The following RAP1GDS1 variants were observed in gnomAD, a reference collection of about 807,000 sequenced individuals.
RAP1GDS1 encodes RAP1, GTP-GDP dissociation stimulator 1.
In RAP1GDS1, 35 loss-of-function variants were observed where a neutral mutation model predicts 71.1. The observed-to-expected ratio is 0.49, with a 90% CI of 0.38 to 0.65. RAP1GDS1 has a LOEUF of 0.65. Ranked by LOEUF, RAP1GDS1 falls within the 30% of genes least tolerant of loss-of-function variation. The probability of loss-of-function intolerance (pLI) is 0.00; values close to 1 mark genes in which losing one functional copy is unlikely to be tolerated. For synonymous variants in RAP1GDS1, 229 were observed against 243.1 expected (o/e 0.94, Z 0.54); for missense variants, 663 against 706.1 (o/e 0.94, Z 0.69).
intron 6 of RAP1GDS1, among the ~76,000 whole-genome samples, chr4:98,400,327 G>A (rs557235685): frequency 3.5e-4 from 53 of 151,910 alleles, no homozygotes; most frequent in African/African-American, 1.2e-3. Context: ...TACATGAAGA[G>A]GTAAAATGTG....
intron 6 of RAP1GDS1, among the ~76,000 whole-genome samples, chr4:98,403,843 A>C (rs1745764932): frequency 6.6e-6 from 1 of 152,136 alleles, no homozygotes. Flanking sequence ...GTGAGTTGAG[A>C]GAGTAGAGGC....
chr4:98,283,404 C>G (rs992338475), intron 1 of RAP1GDS1, among the ~76,000 whole-genome samples: 2 of 151,732 alleles, frequency 1.3e-5, no homozygotes, highest in African/African-American at 4.9e-5. Flanking sequence ...TTATGTGTTG[C>G]ATACAAAGCA....
At chr4:98,410,279 G>A (rs1399900785) in intron 7 of RAP1GDS1, among the ~76,000 whole-genome samples, 1 of 152,008 alleles carries the variant, frequency 6.6e-6, no homozygotes, top group East Asian at 1.9e-4. Flanking sequence ...ATTTTAATAA[G>A]CACTTGACAA....
intron 6 of RAP1GDS1, among the ~76,000 whole-genome samples, chr4:98,404,023 T>C (rs566244214): frequency 6.6e-6 from 1 of 151,986 alleles, no homozygotes; most frequent in South Asian, 2.1e-4. Flanking sequence ...CTAGGAGAGG[T>C]TGGAGATGCT....
At chr4:98,432,087 C>G (rs1418494346) in intron 12 of RAP1GDS1, among the ~76,000 whole-genome samples, 1 of 152,122 alleles carries the variant, frequency 6.6e-6, no homozygotes, top group Non-Finnish European at 1.5e-5. Context: ...CCCCGCTCCC[C>G]CCATCCCACG....
Position 98,352,540 on chromosome 4 carries a change from C to G in RAP1GDS1, c.300C>G (p.Ser100Arg). The G allele has an allele frequency of 6.2e-7, 1 of 1,613,988 alleles. No homozygotes were observed. The highest frequency in any genetic ancestry group is 8.5e-7 in the Non-Finnish European group (1 of 1,179,932). ...CACCACTGGTGCAGCTGCTAAATAG[C>G]AAAGACCAGGAAGTGCTGCTTCAAA... ...LISPLVQLLN[S>R]KDQEVLLQTG... Residue 100 changes from serine (S) to arginine (R), a missense_variant, in exon 4 of 15, where the codon AGC becomes AGG. Transcript: ENST00000408927.
chr4:98,369,535 G>GA (rs1383888276), intron 4 of RAP1GDS1, among the ~76,000 whole-genome samples: 1 of 152,028 alleles, frequency 6.6e-6, no homozygotes, highest in African/African-American at 2.4e-5. Context: ...ATTTAGCAAT[G>GA]AAAAAATACT....
chr4:98,327,939 T>G (rs1733384889), intron 2 of RAP1GDS1, among the ~76,000 whole-genome samples: 1 of 152,216 alleles, frequency 6.6e-6, no homozygotes, highest in South Asian at 2.1e-4. Context: ...TGCAAAAATT[T>G]AACAAGTAAC....
intron 2 of RAP1GDS1, among the ~76,000 whole-genome samples, chr4:98,319,865 A>G (rs1442360275): frequency 6.6e-6 from 1 of 151,144 alleles, no homozygotes; most frequent in East Asian, 1.9e-4. Context: ...TAAAAGTTAC[A>G]CCAAGTGTGC....
At chr4:98,320,128 T>C (rs987205528) in intron 2 of RAP1GDS1, among the ~76,000 whole-genome samples, 3 of 152,210 alleles carry the variant, frequency 2.0e-5, no homozygotes, top group African/African-American at 7.2e-5. Flanking sequence ...TATAACATAC[T>C]GAATATGTGT....
intron 7 of RAP1GDS1, 119 bp downstream of exon 7, chr4:98,404,721 A>T: frequency 8.1e-7 from 1 of 1,231,282 alleles, no homozygotes; most frequent in Non-Finnish European, 1.1e-6. Flanking sequence ...GATATGTTTT[A>T]TTTTGCATAT....
intron 1 of RAP1GDS1, among the ~76,000 whole-genome samples, chr4:98,275,594 A>G (rs1016743982): frequency 1.3e-5 from 2 of 152,164 alleles, no homozygotes; most frequent in Admixed American, 6.6e-5. Flanking sequence ...TCACCATTAC[A>G]TAAAAGTATG....
intron 2 of RAP1GDS1, among the ~76,000 whole-genome samples, chr4:98,316,182 G>C (rs1341793231): frequency 6.6e-6 from 1 of 152,258 alleles, no homozygotes; most frequent in East Asian, 1.9e-4. Context: ...AGTAATACTA[G>C]AGTTGTTGAA....
chr4:98,290,128 T>C (rs751343553), intron 1 of RAP1GDS1, among the ~76,000 whole-genome samples: 2 of 152,130 alleles, frequency 1.3e-5, no homozygotes, highest in Non-Finnish European at 2.9e-5. Context: ...CAAACACATA[T>C]CTATCTATAT....
chr4:98,365,858 A>T (rs537135389), intron 4 of RAP1GDS1, among the ~76,000 whole-genome samples: 1 of 152,296 alleles, frequency 6.6e-6, no homozygotes, highest in East Asian at 1.9e-4. Context: ...CTGTGCTTTA[A>T]GTGAAATAAA....
At chr4:98,406,761 T>C (rs749783704) in intron 7 of RAP1GDS1, among the ~76,000 whole-genome samples, 1 of 152,022 alleles carries the variant, frequency 6.6e-6, no homozygotes, top group Non-Finnish European at 1.5e-5. Flanking sequence ...GAAAGAAATT[T>C]CAAAAGATTG....
At chr4:98,266,877 G>A (rs1722777667) in intron 1 of RAP1GDS1, among the ~76,000 whole-genome samples, 1 of 152,054 alleles carries the variant, frequency 6.6e-6, no homozygotes, top group African/African-American at 2.4e-5. Flanking sequence ...GAAATAGTGT[G>A]GATGCTCTCC....
chr4:98,293,283 G>C (rs970814604), intron 1 of RAP1GDS1, 125 bp from the exon 2 acceptor site: 9 of 613,502 alleles, frequency 1.5e-5, no homozygotes, highest in Non-Finnish European at 2.5e-5. Context: ...ATTTTGGAAT[G>C]TACGTGGAGG....
At chr4:98,361,515 G>A (rs1738750129) in intron 4 of RAP1GDS1, among the ~76,000 whole-genome samples, 1 of 152,010 alleles carries the variant, frequency 6.6e-6, no homozygotes. Flanking sequence ...AATTTCTTTA[G>A]GAAATGTATT....
Sources: gnomAD v4.1 joint callset for allele counts (sites outside exome capture counted in the v4.1 genomes callset) on GRCh38, gnomAD v4.1.1 for gene constraint, MANE v1.5 for transcripts, NCBI Gene and HGNC (gene_info 2026-07-23, HGNC 2026-07-21) for gene names.